Variants in DGKI observed in about 807,000 individuals in gnomAD.
DGKI encodes the protein diacylglycerol kinase iota.
In DGKI, 55 loss-of-function variants were observed where a neutral mutation model predicts 147.5. The ratio of observed to expected loss-of-function variants is 0.37; its 90% CI spans 0.30 to 0.47. The LOEUF (loss-of-function observed/expected upper bound fraction) is 0.47, where lower values mean the gene tolerates loss of function less well. Among genes scored for constraint, DGKI ranks in the 20% least tolerant of loss-of-function variants. The pLI is 1.00. For missense variants in DGKI, 1,007 were observed against 1,323.8 expected, an observed-to-expected ratio of 0.76 and a Z score of 3.71; for synonymous variants, 469 against 477.1, an observed-to-expected ratio of 0.98 and a Z score of 0.22.
At chr7:137,550,234 C>T (rs556415978) in intron 20 of DGKI, among the ~76,000 whole-genome samples, 3 of 149,182 alleles carry the variant, frequency 2.0e-5, no homozygotes, top group South Asian at 2.1e-4. Flanking sequence ...GGTGTGATCT[C>T]GGCTCCATGA....
intron 20 of DGKI, among the ~76,000 whole-genome samples, chr7:137,541,840 T>G (rs1817714024): frequency 6.6e-6 from 1 of 151,724 alleles, no homozygotes; most frequent in South Asian, 2.1e-4. Flanking sequence ...CACCTGGAAT[T>G]AGACAAAGAG....
At chr7:137,515,252 G>C (rs1816710391) in intron 21 of DGKI, among the ~76,000 whole-genome samples, 1 of 152,028 alleles carries the variant, frequency 6.6e-6, no homozygotes, top group Non-Finnish European at 1.5e-5. Context: ...TCACTGTTCT[G>C]CTTTACTTTC....
chr7:137,642,636 T>C (rs1043788430), intron 6 of DGKI, among the ~76,000 whole-genome samples: 3 of 152,186 alleles, frequency 2.0e-5, no homozygotes, highest in Non-Finnish European at 2.9e-5. Context: ...GCCTGAGGCA[T>C]TCGGCTAACG....
intron 8 of DGKI, among the ~76,000 whole-genome samples, chr7:137,613,215 C>A (rs1428884490): frequency 6.6e-6 from 1 of 152,032 alleles, no homozygotes; most frequent in East Asian, 1.9e-4. Context: ...TCTTTGTCAT[C>A]CCAAATAAAG....
intron 1 of DGKI, among the ~76,000 whole-genome samples, chr7:137,809,903 GA>G (rs72309821): frequency 0.068 from 10,022 of 146,614 alleles, 492 homozygotes; most frequent in African/African-American, 0.14. Flanking sequence ...AACCCAGTTG[GA>G]AAAAAAAAAA....
intron 1 of DGKI, among the ~76,000 whole-genome samples, chr7:137,721,129 G>T (rs965626043): frequency 6.6e-6 from 1 of 152,046 alleles, no homozygotes; most frequent in South Asian, 2.1e-4. Context: ...CCTGTAATTC[G>T]GGAATTAATT....
chr7:137,739,956 C>T (rs1416285055), intron 1 of DGKI, among the ~76,000 whole-genome samples: 8 of 152,242 alleles, frequency 5.3e-5, no homozygotes, highest in South Asian at 2.1e-4. Flanking sequence ...CCAGTGATTC[C>T]GCTCCACCAT....
intron 21 of DGKI, among the ~76,000 whole-genome samples, chr7:137,500,636 C>T (rs1816137604): frequency 6.6e-6 from 1 of 152,056 alleles, no homozygotes; most frequent in Admixed American, 6.6e-5. Context: ...AAATCAAGCT[C>T]AGGGACCCTA....
chr7:137,508,144 G>A (rs894683046), intron 21 of DGKI, among the ~76,000 whole-genome samples: 6 of 151,728 alleles, frequency 4.0e-5, no homozygotes, highest in African/African-American at 1.5e-4. Flanking sequence ...CCAACAGAAG[G>A]TGAAGGTTCC....
chr7:137,418,501 T>C (rs1276053563), intron 28 of DGKI, among the ~76,000 whole-genome samples: 7 of 152,306 alleles, frequency 4.6e-5, no homozygotes, highest in Middle Eastern at 3.4e-3. Context: ...GAATAAAAAG[T>C]ATACAGAACT....
rs571368338 is a variant in DGKI at position 137,698,162 on chromosome 7, A to C, written c.402-8160T>G. Among the ~76,000 whole-genome samples the C allele has an allele frequency of 5.0e-4, 76 of 151,636 alleles. 1 individual carries two copies. In the South Asian group the frequency reaches 8.3e-3, roughly 17 times the overall value. Reference sequence around the variant, plus strand: ...TAACTCCAAATATATATATATATATATCTCCAGATAGATAGATATATAGAT... The same window carrying C: ...TAACTCCAAATATATATATATATATCTCTCCAGATAGATAGATATATAGAT... On this transcript the variant is annotated intron_variant, in intron 1 of 32. Transcript: ENST00000614521.
intron 1 of DGKI, among the ~76,000 whole-genome samples, chr7:137,696,431 CTTTTTTTTTTTTTTTTTT>C (rs10609322): frequency 1.6e-4 from 6 of 36,684 alleles, no homozygotes; most frequent in Non-Finnish European, 2.4e-4. Context: ...GCCCAAAAGA[CTTTTTTTTTTTTTTTTTT>C]TTTTTTTTTT....
At chr7:137,672,112 C>CTCACTTACACCTCAACCACATACCA (rs1207908750) in intron 3 of DGKI, among the ~76,000 whole-genome samples, 1 of 152,246 alleles carries the variant, frequency 6.6e-6, no homozygotes, top group African/African-American at 2.4e-5. Flanking sequence ...TGCCTGTCTG[C>CTCACTTACACCTCAACCACATACCA]TCACTTACAC....
chr7:137,536,086 TATATA>T (rs201634003), intron 20 of DGKI, among the ~76,000 whole-genome samples: 2,003 of 152,294 alleles, frequency 0.013, 44 homozygotes, highest in African/African-American at 0.045. Flanking sequence ...TTTAAAAGTT[TATATA>T]ATATGATTGG....
At chr7:137,430,813 A>T (rs1813041029) in intron 28 of DGKI, among the ~76,000 whole-genome samples, 1 of 152,120 alleles carries the variant, frequency 6.6e-6, no homozygotes, top group Non-Finnish European at 1.5e-5. Flanking sequence ...CCATTTGATA[A>T]CAGGGACCTC....
chr7:137,453,792 G>C (rs900647581), intron 27 of DGKI, among the ~76,000 whole-genome samples: 1 of 152,150 alleles, frequency 6.6e-6, no homozygotes, highest in African/African-American at 2.4e-5. Context: ...AATAAAGGCT[G>C]CTTGGTGAGT....
chr7:137,804,936 G>C (rs920766326), intron 1 of DGKI, among the ~76,000 whole-genome samples: 1 of 152,144 alleles, frequency 6.6e-6, no homozygotes, highest in Non-Finnish European at 1.5e-5. Flanking sequence ...TTCTGAGTCT[G>C]TGTTTTCAGC....
At chr7:137,405,017 A>C (rs1811890076) in intron 30 of DGKI, among the ~76,000 whole-genome samples, 1 of 152,124 alleles carries the variant, frequency 6.6e-6, no homozygotes, top group Non-Finnish European at 1.5e-5. Context: ...GTGCTTTTAA[A>C]GGCCCTATTT....
chr7:137,632,367 A>G (rs1182042468), intron 6 of DGKI, among the ~76,000 whole-genome samples: 1 of 152,252 alleles, frequency 6.6e-6, no homozygotes, highest in Non-Finnish European at 1.5e-5. Context: ...GAAGAATCTT[A>G]CAATAACACA....
Sources: gnomAD v4.1 joint callset for allele counts (sites outside exome capture counted in the v4.1 genomes callset) on GRCh38, gnomAD v4.1.1 for gene constraint, MANE v1.5 for transcripts, NCBI Gene and HGNC (gene_info 2026-07-23, HGNC 2026-07-21) for gene names.